Variants in IL1RAPL2 observed in about 807,000 individuals in gnomAD.
The protein encoded by IL1RAPL2 is X-linked interleukin-1 receptor accessory protein-like 2.
Under a neutral mutation model 44.1 loss-of-function variants are expected in IL1RAPL2, and 3 were observed. The observed-to-expected ratio is 0.07, with a 90% CI of 0.03 to 0.18. The LOEUF is 0.18. Among genes scored for constraint, IL1RAPL2 ranks in the 10% least tolerant of loss-of-function variants. The probability of loss-of-function intolerance (pLI) is 1.00; values close to 1 mark genes in which losing one functional copy is unlikely to be tolerated. For missense variants in IL1RAPL2, 391 were observed against 496.4 expected, an observed-to-expected ratio of 0.79 and a Z score of 2.02; for synonymous variants, 181 against 178.8, an observed-to-expected ratio of 1.01 and a Z score of -0.10.
At chrX:104,704,484 A>G (rs1031555165) in intron 2 of IL1RAPL2, among the ~76,000 whole-genome samples, 1 of 111,398 alleles carries the variant, frequency 9.0e-6, no homozygotes, top group African/African-American at 3.3e-5. Flanking sequence ...AGTGAAGTAA[A>G]TCCCTTGAAT....
intron 5 of IL1RAPL2, among the ~76,000 whole-genome samples, chrX:105,380,328 G>A (rs1193930044): frequency 1.8e-5 from 2 of 111,641 alleles, no homozygotes; most frequent in Non-Finnish European, 3.8e-5. Flanking sequence ...TTTACACCAT[G>A]CTTTCTGATT....
At position 105,062,859 on chromosome X, in the gene IL1RAPL2, T is replaced by C. The variant is rs189056937; in HGVS notation, c.83-132616T>C. On this transcript the variant is annotated intron_variant, in intron 2 of 10. Transcript: ENST00000372582. ...GTCTTTTCTCTTGCTACTTTTAGGA[T>C]CCTTTCTTTATATTTAACTTTTGGT... 2.5e-3 allele frequency among the ~76,000 whole-genome samples: 274 copies of C among 111,684 alleles called. 1 individual carries two copies. Among genetic ancestry groups the C allele is most frequent in the African/African-American group, 8.2e-3 (251 of 30,771 alleles).
intron 5 of IL1RAPL2, among the ~76,000 whole-genome samples, chrX:105,343,770 A>C (rs2035089160): frequency 8.9e-6 from 1 of 112,494 alleles, no homozygotes; most frequent in Non-Finnish European, 1.9e-5. Context: ...GGAAAGATAC[A>C]TAGGTACTTA....
At chrX:104,670,112 C>T (rs1466706132) in intron 2 of IL1RAPL2, among the ~76,000 whole-genome samples, 1 of 111,258 alleles carries the variant, frequency 9.0e-6, no homozygotes, top group Non-Finnish European at 1.9e-5. Context: ...AGTGAAGTCC[C>T]ACGATAGGCC....
intron 3 of IL1RAPL2, among the ~76,000 whole-genome samples, chrX:105,202,375 T>C (rs1251990439): frequency 1.8e-5 from 2 of 112,628 alleles, no homozygotes; most frequent in Non-Finnish European, 3.8e-5. Flanking sequence ...GACTTGGTTT[T>C]ATGGCTATCT....
chrX:105,406,280 G>T, intron 5 of IL1RAPL2: 1 of 1,051,646 alleles, frequency 9.5e-7, no homozygotes, highest in Non-Finnish European at 1.3e-6. Context: ...TCATAGAGGC[G>T]CTTTCTTAAT....
At chrX:104,740,916 G>A (rs994403631) in intron 2 of IL1RAPL2, among the ~76,000 whole-genome samples, 1 of 111,294 alleles carries the variant, frequency 9.0e-6, no homozygotes, top group Non-Finnish European at 1.9e-5. Context: ...TTAAACTGCA[G>A]TGTCCAGTTA....
At chrX:105,111,331 T>G (rs947526695) in intron 2 of IL1RAPL2, among the ~76,000 whole-genome samples, 5 of 111,946 alleles carry the variant, frequency 4.5e-5, no homozygotes, top group African/African-American at 1.6e-4. Context: ...AAAGTAAAAT[T>G]GTATTGGAGA....
intron 2 of IL1RAPL2, among the ~76,000 whole-genome samples, chrX:104,950,543 G>T (rs898110874): frequency 8.9e-6 from 1 of 112,370 alleles, no homozygotes. Context: ...AGCAAGCCTG[G>T]GCAGTGACGG....
intron 6 of IL1RAPL2, among the ~76,000 whole-genome samples, chrX:105,537,442 C>T (rs753663489): frequency 1.8e-5 from 2 of 111,925 alleles, no homozygotes; most frequent in Non-Finnish European, 3.8e-5. Context: ...AGTAATTCTA[C>T]TATATTCCTC....
intron 2 of IL1RAPL2, among the ~76,000 whole-genome samples, chrX:104,675,851 T>G (rs900217524): frequency 3.7e-5 from 4 of 109,088 alleles, no homozygotes; most frequent in East Asian, 2.9e-4. Flanking sequence ...TACCATTATG[T>G]AATGGCCTTC....
At position 104,761,846 on chromosome X, in the gene IL1RAPL2, CT is replaced by C. The variant is rs1404888300; in HGVS notation, c.82+102853del. Among the ~76,000 whole-genome samples the C allele has an allele frequency of 4.1e-4, 15 of 36,875 alleles. No homozygotes were observed. The East Asian group carries it at 0.013, about 32-fold the overall frequency. 32.0% of individuals were successfully genotyped at this position (36,875 alleles called of 115,157 possible). On this transcript the variant is annotated intron_variant, in intron 2 of 10. Coordinates refer to ENST00000372582, the MANE Select transcript of IL1RAPL2 (RefSeq NM_017416.2). Reference sequence around the variant, plus strand: ...CCTTCTCCTTCTTCTCCTTCTCCTTCTTCTCCTTCTCCTTCTCCTTCTCCTT... The same window carrying C: ...CCTTCTCCTTCTTCTCCTTCTCCTTCTCTCCTTCTCCTTCTCCTTCTCCTT...
At chrX:105,428,931 T>C (rs950247043) in intron 5 of IL1RAPL2, among the ~76,000 whole-genome samples, 4 of 111,508 alleles carry the variant, frequency 3.6e-5, no homozygotes, top group African/African-American at 9.8e-5. Flanking sequence ...GTGATTTTCC[T>C]TTCCCCAGAG....
chrX:105,479,745 A>C (rs1161735900), intron 5 of IL1RAPL2, among the ~76,000 whole-genome samples: 1 of 108,327 alleles, frequency 9.2e-6, no homozygotes, highest in Non-Finnish European at 1.9e-5. Context: ...ATCTCAAAAA[A>C]TAAATAAAAT....
intron 5 of IL1RAPL2, among the ~76,000 whole-genome samples, chrX:105,337,855 C>A: frequency 9.2e-6 from 1 of 108,787 alleles, no homozygotes. Context: ...CGCGCCACTG[C>A]ACTCCAGACT....
intron 2 of IL1RAPL2, among the ~76,000 whole-genome samples, chrX:105,168,745 T>G (rs1251064376): frequency 9.6e-6 from 1 of 103,721 alleles, no homozygotes; most frequent in East Asian, 3.0e-4. Flanking sequence ...TTACTCTGAC[T>G]TTTTTTTTTT....
intron 5 of IL1RAPL2, among the ~76,000 whole-genome samples, chrX:105,468,410 C>G (rs2036145023): frequency 9.8e-6 from 1 of 102,488 alleles, no homozygotes; most frequent in Admixed American, 1.1e-4. Context: ...ACTGAAAAGC[C>G]AGCAGTTTCT....
At position 105,767,364 on chromosome X, in the gene IL1RAPL2, C is replaced by T; in HGVS notation, c.1764C>T (p.Ala588=). 1 of 1,211,834 alleles carries T rather than the reference C, an allele frequency of 8.3e-7. No homozygotes were observed. The highest frequency in any genetic ancestry group is 1.1e-6 in the Non-Finnish European group (1 of 895,452). The change falls in exon 11 of 11, where the codon GCC becomes GCT. Residue 588 remains alanine (A), a synonymous_variant. Transcript: ENST00000372582. ...FGELQPIPSI[A]MTSTSATLVS... ...AACTCCAGCCTATACCCTCTATTGC[C>T]ATGACCAGTACTTCAGCCACTCTGG...
chrX:104,643,383 A>C (rs1009810943), intron 1 of IL1RAPL2, among the ~76,000 whole-genome samples: 7 of 111,754 alleles, frequency 6.3e-5, no homozygotes, highest in Non-Finnish European at 1.3e-4. Context: ...TTATAAAAAG[A>C]CCTACTGTTC....
Sources: allele counts gnomAD v4.1 joint callset (sites outside exome capture counted in the v4.1 genomes callset), GRCh38; gene constraint gnomAD v4.1.1; transcripts MANE v1.5; gene names NCBI Gene and HGNC (gene_info 2026-07-23, HGNC 2026-07-21).